The following SPINT2 variants were observed in gnomAD, a reference collection of about 807,000 sequenced individuals.
SPINT2 encodes the protein serine peptidase inhibitor, Kunitz type 2, also known as kunitz-type protease inhibitor 2.
SPINT2 carries 18 observed loss-of-function variants against 30.1 expected under a neutral mutation model. The observed-to-expected ratio is 0.60, with a 90% CI of 0.41 to 0.89. SPINT2 has a LOEUF of 0.89. Among genes scored for constraint, SPINT2 ranks in the 40% least tolerant of loss-of-function variants. The pLI is 0.00. For synonymous variants in SPINT2, 139 were observed against 137.9 expected (o/e 1.01, Z -0.05); for missense variants, 276 against 334.3 (o/e 0.83, Z 1.36).
intron 2 of SPINT2, among the ~76,000 whole-genome samples, chr19:38,286,509 C>T (rs1004396251): frequency 6.6e-6 from 1 of 152,268 alleles, no homozygotes; most frequent in South Asian, 2.1e-4. Context: ...GGGCCGGGTG[C>T]GGCGGCTCAC....
chr19:38,290,034 G>T lies in SPINT2; in HGVS notation c.392-85G>T, dbSNP rs962074212. ...AGATGTTTCTCCGTCTGCTGGAGCCGCAAGCCTCCTCAGGCACTTTCTGGC... is the reference window on the plus strand; with the variant it reads ...AGATGTTTCTCCGTCTGCTGGAGCCTCAAGCCTCCTCAGGCACTTTCTGGC... On this transcript the variant is annotated intron_variant, in intron 4 of 6. Transcript: ENST00000301244. This position sits in a 1 kb window ranked among gnomAD's most constrained non-coding sequence, Gnocchi z 4.3. 2.7e-6 allele frequency: 4 copies of T among 1,481,176 alleles called. No homozygotes were observed. The African/African-American group carries it at 4.1e-5, about 15-fold the overall frequency. 91.8% of individuals were successfully genotyped at this position (1,481,176 alleles called of 1,614,324 possible).
At chr19:38,280,450 G>A (rs970883855) in intron 1 of SPINT2, among the ~76,000 whole-genome samples, 3 of 152,164 alleles carry the variant, frequency 2.0e-5, no homozygotes, top group African/African-American at 7.2e-5. Flanking sequence ...TGTTCTCACT[G>A]TAAATTCATC....
intron 2 of SPINT2, among the ~76,000 whole-genome samples, chr19:38,286,871 G>C (rs1968648398): frequency 6.6e-6 from 1 of 152,142 alleles, no homozygotes; most frequent in Non-Finnish European, 1.5e-5. Flanking sequence ...GTCTTTTTAT[G>C]TTGCCCAAGC....
chr19:38,267,651 G>GGGT (rs1968395915), intron 1 of SPINT2, among the ~76,000 whole-genome samples: 1 of 151,864 alleles, frequency 6.6e-6, no homozygotes, highest in South Asian at 2.1e-4. Context: ...AGAGGAAGCG[G>GGGT]GGGGGCGAGG....
chr19:38,276,197 G>A (rs1968515962), intron 1 of SPINT2, among the ~76,000 whole-genome samples: 1 of 152,142 alleles, frequency 6.6e-6, no homozygotes, highest in Non-Finnish European at 1.5e-5. Context: ...ATGGGTGGGA[G>A]GAGGAGGAGG....
intron 1 of SPINT2, among the ~76,000 whole-genome samples, chr19:38,282,697 CTGT>C (rs1968593310): frequency 6.6e-6 from 1 of 152,212 alleles, no homozygotes; most frequent in Admixed American, 6.5e-5. Flanking sequence ...CAAATAGGAG[CTGT>C]AACAAGCCGT....
intron 6 of SPINT2, chr19:38,291,631 TGGC>T (rs1371749471): frequency 2.0e-5 from 12 of 597,118 alleles, no homozygotes; most frequent in Non-Finnish European, 3.5e-5. Flanking sequence ...GCACATAGCA[TGGC>T]GCCTCCTTTT....
intron 1 of SPINT2, among the ~76,000 whole-genome samples, chr19:38,275,316 A>G (rs73037321): frequency 0.023 from 3,550 of 152,088 alleles, 56 homozygotes; most frequent in South Asian, 0.033. Context: ...TTTATAGCCA[A>G]TAGAGTTTTT....
intron 1 of SPINT2, among the ~76,000 whole-genome samples, chr19:38,268,766 CGTGTGT>C (rs10526704): frequency 1.3e-5 from 2 of 149,922 alleles, no homozygotes; most frequent in African/African-American, 2.5e-5. Context: ...TGCGCGCGCG[CGTGTGT>C]GTGTGTGTGT....
intron 3 of SPINT2, 136 bp from the exon 4 acceptor site, chr19:38,289,002 C>T (rs550414525): frequency 4.4e-5 from 35 of 788,440 alleles, no homozygotes; most frequent in South Asian, 1.9e-4. Context: ...GTGGCAGAGC[C>T]GGCCATGGAA....
intron 1 of SPINT2, among the ~76,000 whole-genome samples, chr19:38,274,954 G>A (rs1318733849): frequency 6.6e-6 from 1 of 152,202 alleles, no homozygotes; most frequent in Non-Finnish European, 1.5e-5. Flanking sequence ...GGCGGCAGTT[G>A]TGACTTTCTG....
At chr19:38,277,825 C>A (rs1289641016) in intron 1 of SPINT2, among the ~76,000 whole-genome samples, 1 of 152,200 alleles carries the variant, frequency 6.6e-6, no homozygotes, top group Admixed American at 6.5e-5. Context: ...AAGAAAGTTA[C>A]TCTTCCCTAA....
chr19:38,272,142 A>G (rs531708110), intron 1 of SPINT2, among the ~76,000 whole-genome samples: 1 of 152,218 alleles, frequency 6.6e-6, no homozygotes, highest in African/African-American at 2.4e-5. Context: ...TGGAGGTTGC[A>G]GTGAGCCGAG....
intron 1 of SPINT2, among the ~76,000 whole-genome samples, chr19:38,274,459 T>C (rs1968493346): frequency 6.6e-6 from 1 of 152,178 alleles, no homozygotes; most frequent in Non-Finnish European, 1.5e-5. Context: ...TCCTTAGAAT[T>C]CCAAGTGTTT....
At chr19:38,291,569 AGAAG>A in intron 6 of SPINT2, 1 of 448,162 alleles carries the variant, frequency 2.2e-6, no homozygotes, top group Non-Finnish European at 4.1e-6. Context: ...TAGTTCAAAA[AGAAG>A]GAACACAGAT....
chr19:38,276,923 C>T (rs947603833), intron 1 of SPINT2, among the ~76,000 whole-genome samples: 1 of 151,776 alleles, frequency 6.6e-6, no homozygotes. Flanking sequence ...GCCTCAGCCT[C>T]CCGAGGAGCT....
chr19:38,275,145 A>G (rs966849702), intron 1 of SPINT2, among the ~76,000 whole-genome samples: 1 of 152,240 alleles, frequency 6.6e-6, no homozygotes, highest in Non-Finnish European at 1.5e-5. Context: ...CGTAAGTTAT[A>G]TGGTGAGAAG....
chr19:38,269,840 A>C (rs1402384254), intron 1 of SPINT2, among the ~76,000 whole-genome samples: 2 of 152,072 alleles, frequency 1.3e-5, no homozygotes, highest in Non-Finnish European at 2.9e-5. Context: ...TGATCTCCTG[A>C]CCTTGTGATC....
At position 38,269,020 on chromosome 19, in the gene SPINT2, G is replaced by T. The variant is rs1968415575; in HGVS notation, c.106+4022G>T. On this transcript the variant is annotated intron_variant, in intron 1 of 6. Coordinates refer to ENST00000301244, the MANE Select transcript of SPINT2 (RefSeq NM_021102.4). Reference sequence around the variant, plus strand: ...TAGTTCTTGCTGCCAATAACTTTGTGCCTGGCCCTGGGCATCAGAACTTGT... The same window carrying T: ...TAGTTCTTGCTGCCAATAACTTTGTTCCTGGCCCTGGGCATCAGAACTTGT... Among the ~76,000 whole-genome samples, 2 of 152,134 alleles carry T rather than the reference G, an allele frequency of 1.3e-5. 1 individual carries two copies. Among genetic ancestry groups the T allele is most frequent in the Admixed American group, 1.3e-4 (2 of 15,268 alleles).
Sources: allele counts gnomAD v4.1 joint callset (sites outside exome capture counted in the v4.1 genomes callset), GRCh38; gene constraint gnomAD v4.1.1; non-coding constraint Gnocchi (gnomAD v3.1); transcripts MANE v1.5; gene names NCBI Gene and HGNC (gene_info 2026-07-23, HGNC 2026-07-21).